BAHCC1: variants seen among roughly 807,000 people sequenced by gnomAD.
BAHCC1 encodes the protein BAH and coiled-coil domain-containing protein 1.
In BAHCC1, 43 loss-of-function variants were observed where a neutral mutation model predicts 88.2. That is an observed-to-expected ratio of 0.49 (90% CI 0.38 to 0.63). BAHCC1 has a LOEUF of 0.63. Ranked by LOEUF, BAHCC1 falls within the 20% of genes least tolerant of loss-of-function variation. The pLI, the probability that BAHCC1 is intolerant of heterozygous loss-of-function variation, is 0.00. For synonymous variants in BAHCC1, 1,510 were observed against 745.5 expected (o/e 2.03, Z -16.71); for missense variants, 3,023 against 1,654.8 (o/e 1.83, Z -14.34).
intron 6 of BAHCC1, chr17:81,444,155 C>T (rs1555653599): frequency 1.7e-6 from 1 of 602,578 alleles, no homozygotes; most frequent in African/African-American, 1.9e-5. Context: ...GGAGATGGCC[C>T]CCAGTCAGCC....
chr17:81,431,206 G>A (rs977127085), intron 3 of BAHCC1, among the ~76,000 whole-genome samples: 30 of 152,192 alleles, frequency 2.0e-4, no homozygotes, highest in Admixed American at 1.7e-3. Context: ...TATGGCTTTC[G>A]GGAGCCAGCC....
chr17:81,424,241 C>A (rs2064148302), intron 2 of BAHCC1, among the ~76,000 whole-genome samples: 2 of 152,226 alleles, frequency 1.3e-5, no homozygotes, highest in Non-Finnish European at 1.5e-5. Context: ...CAGCTCCTCC[C>A]AGTGCTGCCT....
chr17:81,461,451 C>G lies in BAHCC1; in HGVS notation c.6788C>G (p.Pro2263Arg), dbSNP rs1215229479. 1.4e-6 allele frequency: 1 copy of G among 740,426 alleles called. No individual in the cohort carries two copies. The highest frequency in any genetic ancestry group is 2.5e-6 in the Non-Finnish European group (1 of 399,530). The allele number at this position is 740,426 out of a possible 1,614,324, so 45.9% of individuals were successfully genotyped here. Residue 2263 changes from proline (P) to arginine (R), a missense_variant, in exon 26 of 28, where the codon CCC becomes CGC. Physicochemically the swap from Pro to Arg is moderately radical, Grantham distance 103. Transcript: ENST00000675386. ...GACAAGAAGGGGCGGGCACCCATCC[C>G]CCCGCTGCCCATGGGGCTGGCGCTG... ...GKDKKGRAPI[P>R]PLPMGLALRK...
intron 3 of BAHCC1, among the ~76,000 whole-genome samples, chr17:81,432,547 A>AGGCCCACCCTCCCTCCCCTCGCCG (rs2064273366): frequency 3.0e-5 from 1 of 33,282 alleles, no homozygotes; most frequent in Non-Finnish European, 5.7e-5. Context: ...ACCCATCACC[A>AGGCCCACCCTCCCTCCCCTCGCCG]GGCCCACCCT....
Position 81,461,348 on chromosome 17 carries a change from G to T in BAHCC1, c.6685G>T (p.Gly2229Trp). Residue 2229 changes from glycine (G) to tryptophan (W), a missense_variant, in exon 26 of 28, where the codon GGG becomes TGG. Gly to Trp is a radical substitution (Grantham distance 184, BLOSUM62 -2). Transcript: ENST00000675386. Reference sequence around the variant, plus strand: ...CAAGACCTGCAAGGCGTTGCTCATGGGGGACAAGGACTTCAGCCCCAAGCT... The same window carrying T: ...CAAGACCTGCAAGGCGTTGCTCATGTGGGACAAGGACTTCAGCCCCAAGCT... ...KNKTCKALLM[G>W]DKDFSPKLGR... The T allele has an allele frequency of 1.4e-6, 1 of 732,224 alleles. No individual in the cohort carries two copies. The allele number at this position is 732,224 out of a possible 1,614,324, so 45.4% of individuals were successfully genotyped here.
chr17:81,463,272 C>T (rs1298736130), intron 27 of BAHCC1, among the ~76,000 whole-genome samples: 1 of 152,216 alleles, frequency 6.6e-6, no homozygotes, highest in Admixed American at 6.5e-5. Flanking sequence ...TCCCTGCCTC[C>T]AGTGCCAGCC....
At chr17:81,426,096 A>G (rs1365031661) in intron 2 of BAHCC1, among the ~76,000 whole-genome samples, 8 of 126,548 alleles carry the variant, frequency 6.3e-5, no homozygotes, top group Admixed American at 2.5e-4. Flanking sequence ...GTTGGTGGTG[A>G]TAGTGGTGGG....
At chr17:81,415,974 G>A (rs1415843561) in intron 2 of BAHCC1, among the ~76,000 whole-genome samples, 4 of 152,214 alleles carry the variant, frequency 2.6e-5, no homozygotes, top group African/African-American at 7.2e-5. Flanking sequence ...CAATGTGTGC[G>A]TGTGCGTGTG....
intron 21 of BAHCC1, 27 bp from the exon 22 acceptor site, chr17:81,459,226 G>A (rs1555658456): frequency 2.6e-6 from 2 of 776,554 alleles, no homozygotes; most frequent in Non-Finnish European, 4.8e-6. Flanking sequence ...GAGACCCGTG[G>A]CACCTCACAT....
chr17:81,457,258 C>T lies in BAHCC1; in HGVS notation c.4859-152C>T, dbSNP rs75823708. On this transcript the variant is annotated intron_variant, in intron 16 of 27. Coordinates refer to ENST00000675386, the MANE Select transcript of BAHCC1 (RefSeq NM_001377448.1). Reference sequence around the variant, plus strand: ...AGGCCAGGACCTCAGGCACCTGCCCCCAAAGCAGCCCCACAGAGCGGCCCA... The same window carrying T: ...AGGCCAGGACCTCAGGCACCTGCCCTCAAAGCAGCCCCACAGAGCGGCCCA... Among the ~76,000 whole-genome samples, 845 of 152,280 alleles carry T rather than the reference C, an allele frequency of 5.5e-3. 9 individuals are homozygous for T. The highest frequency in any genetic ancestry group is 0.019 in the African/African-American group (798 of 41,544).
chr17:81,405,146 C>A (rs781981283), intron 2 of BAHCC1, among the ~76,000 whole-genome samples: 17 of 152,166 alleles, frequency 1.1e-4, no homozygotes, highest in Non-Finnish European at 1.6e-4. Context: ...TGCCTCACTG[C>A]AACCTCTGCC....
Position 81,455,404 on chromosome 17 carries a change from C to T in BAHCC1, c.4569+14C>T, listed in dbSNP as rs187771536. On this transcript the variant is annotated intron_variant, in intron 15 of 27. Transcript: ENST00000675386. Reference sequence around the variant, plus strand: ...ACTGCCTCCGTGGTGAGTGCCGAGGCGCCCGCCTTGCCCCAGGGCCCTTCA... The same window carrying T: ...ACTGCCTCCGTGGTGAGTGCCGAGGTGCCCGCCTTGCCCCAGGGCCCTTCA... The T allele has an allele frequency of 4.2e-6, 3 of 714,380 alleles. No individual in the cohort carries two copies. The highest frequency in any genetic ancestry group is 1.7e-5 in the African/African-American group (1 of 57,256). 44.3% of individuals were successfully genotyped at this position (714,380 alleles called of 1,614,324 possible).
intron 3 of BAHCC1, among the ~76,000 whole-genome samples, chr17:81,427,895 AG>A (rs1180388012): frequency 6.6e-6 from 1 of 152,198 alleles, no homozygotes; most frequent in Non-Finnish European, 1.5e-5. Context: ...GCCCCGTTCC[AG>A]GCAGGGAGAT....
Position 81,442,000 on chromosome 17 carries a change from C to A in BAHCC1, c.651C>A (p.Arg217=), listed in dbSNP as rs781895622. The change falls in exon 5 of 28, where the codon CGC becomes CGA. Residue 217 remains arginine (R), a synonymous_variant. Transcript: ENST00000675386. ...SLQKGPKDFD[R]FLVGKELGRE... ...AGAAGGGCCCCAAGGACTTCGACCG[C>A]TTCCTCGTGGGCAAAGAGCTGGGCA... is the stretch of plus-strand genomic sequence containing the variant. 1 of 742,290 alleles carries A rather than the reference C, an allele frequency of 1.3e-6. No homozygotes were observed. Among genetic ancestry groups the A allele is most frequent in the Admixed American group, 1.8e-5 (1 of 54,630 alleles). The allele number at this position is 742,290 out of a possible 1,614,324, so 46.0% of individuals were successfully genotyped here.
At chr17:81,443,637 C>G in intron 5 of BAHCC1, 73 bp downstream of exon 5, 2 of 622,142 alleles carry the variant, frequency 3.2e-6, no homozygotes, top group Non-Finnish European at 2.9e-6. Flanking sequence ...CCCTGCGCCC[C>G]GGCTCCCCAG....
At chr17:81,424,697 G>A (rs1273731623) in intron 2 of BAHCC1, among the ~76,000 whole-genome samples, 1 of 151,548 alleles carries the variant, frequency 6.6e-6, no homozygotes, top group Non-Finnish European at 1.5e-5. Context: ...GAGGTGATGT[G>A]GTTGGTGATG....
At chr17:81,407,481 A>G (rs1331044440) in intron 2 of BAHCC1, 2 of 493,736 alleles carry the variant, frequency 4.1e-6, no homozygotes, top group Non-Finnish European at 8.1e-6. Flanking sequence ...TGTTCTTAAC[A>G]CATGGCATGG....
In BAHCC1 at chr17:81,442,317, A is replaced by G; in HGVS notation, c.968A>G (p.Glu323Gly). The G allele has an allele frequency of 1.5e-6, 1 of 671,000 alleles. No individual in the cohort carries two copies. Among genetic ancestry groups the G allele is most frequent in the Non-Finnish European group, 2.7e-6 (1 of 369,782 alleles). The allele number at this position is 671,000 out of a possible 1,614,324, so 41.6% of individuals were successfully genotyped here. The stretch of plus-strand genomic sequence containing the variant: ...GTGACCTCCGGGCGCTGTGCAAAGG[A>G]GGCAGCAGGCCCCCCGGAGCCCGGG... ...GVVTSGRCAK[E>G]AAGPPEPGPA... The change falls in exon 5 of 28, where the codon GAG becomes GGG. Residue 323 changes from glutamate to glycine, a missense_variant. Transcript: ENST00000675386.
Position 81,462,637 on chromosome 17 carries a change from GACTCAC to G in BAHCC1, c.7384-94_7384-89del, listed in dbSNP as rs1257499204. ...TGGGCGCCCTGCACACTCACACTCA[GACTCAC>G]ACTCACACCCACACCACACCCTCCA... On this transcript the variant is annotated intron_variant, in intron 26 of 27. Coordinates refer to ENST00000675386, the MANE Select transcript of BAHCC1 (RefSeq NM_001377448.1). The G allele has an allele frequency of 1.7e-5, 11 of 651,140 alleles. No individual in the cohort carries two copies. The South Asian group carries it at 1.9e-4, about 11-fold the overall frequency. 40.3% of individuals were successfully genotyped at this position (651,140 alleles called of 1,614,324 possible).
Sources: allele counts gnomAD v4.1 joint callset (sites outside exome capture counted in the v4.1 genomes callset), GRCh38; gene constraint gnomAD v4.1.1; transcripts MANE v1.5; gene names NCBI Gene and HGNC (gene_info 2026-07-23, HGNC 2026-07-21).